The following DST variants were observed in gnomAD, a reference collection of about 807,000 sequenced individuals.
DST encodes bullous pemphigoid antigen.
In DST, 253 loss-of-function variants were observed where a neutral mutation model predicts 875.2. That is an observed-to-expected ratio of 0.29 (90% CI 0.26 to 0.32). The LOEUF (loss-of-function observed/expected upper bound fraction) is 0.32, where lower values mean the gene tolerates loss of function less well. Among genes scored for constraint, DST ranks in the 10% least tolerant of loss-of-function variants. DST has a pLI of 1.00. For synonymous variants in DST, 3,124 were observed against 3,197.1 expected, an observed-to-expected ratio of 0.98 and a Z score of 0.77; for missense variants, 8,287 against 9,111.6, an observed-to-expected ratio of 0.91 and a Z score of 3.68.
intron 58 of DST, among the ~76,000 whole-genome samples, chr6:56,558,313 A>G (rs2097464082): frequency 6.6e-6 from 1 of 152,148 alleles, no homozygotes; most frequent in African/African-American, 2.4e-5. Context: ...ATTTAACACA[A>G]TCCATCCAGG....
intron 85 of DST, among the ~76,000 whole-genome samples, chr6:56,491,319 T>C (rs2095732838): frequency 2.0e-5 from 3 of 152,212 alleles, no homozygotes; most frequent in African/African-American, 7.2e-5. Flanking sequence ...CTCAAAACAA[T>C]GGGGTACAAC....
At chr6:56,512,954 G>A (rs185903353) in intron 72 of DST, among the ~76,000 whole-genome samples, 2 of 152,232 alleles carry the variant, frequency 1.3e-5, no homozygotes, top group East Asian at 1.9e-4. Context: ...GGCATAATTA[G>A]GTATCTTCAT....
At chr6:56,510,607 C>T (rs2096455414) in intron 73 of DST, among the ~76,000 whole-genome samples, 1 of 152,078 alleles carries the variant, frequency 6.6e-6, no homozygotes. Context: ...TATGAATGAA[C>T]TTTGTTCTAT....
intron 3 of DST, among the ~76,000 whole-genome samples, chr6:56,883,899 AT>A (rs1783378951): frequency 6.6e-6 from 1 of 152,168 alleles, no homozygotes; most frequent in Non-Finnish European, 1.5e-5. Flanking sequence ...AATCTAAAAT[AT>A]TTTTATAAGT....
chr6:56,780,127 G>A (rs966657370), intron 4 of DST, among the ~76,000 whole-genome samples: 2 of 151,668 alleles, frequency 1.3e-5, no homozygotes, highest in Non-Finnish European at 2.9e-5. Flanking sequence ...GTCTATCATT[G>A]TTGGACATTT....
intron 10 of DST, among the ~76,000 whole-genome samples, chr6:56,661,645 G>GGA (rs2099042886): frequency 6.6e-6 from 1 of 151,146 alleles, no homozygotes; most frequent in Non-Finnish European, 1.5e-5. Context: ...GGAGTGCAAT[G>GGA]GTGCCATCTC....
chr6:56,903,562 C>T (rs1226640580), intron 2 of DST, among the ~76,000 whole-genome samples: 1 of 152,110 alleles, frequency 6.6e-6, no homozygotes. Flanking sequence ...TGGGTTCAAG[C>T]GATTCTCCTG....
chr6:56,618,141 C>T lies in DST; in HGVS notation c.4930-3657G>A, dbSNP rs768950109. 3.3e-5 allele frequency: 53 copies of T among 1,614,006 alleles called. No individual in the cohort carries two copies. The highest frequency in any genetic ancestry group is 1.4e-4 in the South Asian group (13 of 91,076). On this transcript the variant is annotated intron_variant, in intron 36 of 103. Transcript: ENST00000680361. Reference sequence around the variant, plus strand: ...GTCTCATCAAAAGTTATCTGTAACTCGGTGCTTGTCTGAGAAAAGTACTCA... The same window carrying T: ...GTCTCATCAAAAGTTATCTGTAACTTGGTGCTTGTCTGAGAAAAGTACTCA...
At chr6:56,872,268 C>A (rs1267347583) in intron 3 of DST, among the ~76,000 whole-genome samples, 1 of 152,026 alleles carries the variant, frequency 6.6e-6, no homozygotes, top group Non-Finnish European at 1.5e-5. Flanking sequence ...ATACTATTAG[C>A]AATAGCATAT....
intron 78 of DST, among the ~76,000 whole-genome samples, chr6:56,503,238 T>C (rs939293745): frequency 5.3e-5 from 8 of 152,060 alleles, no homozygotes; most frequent in African/African-American, 1.7e-4. Context: ...AAGGTCACTA[T>C]AGTCAAAAAT....
At chr6:56,740,956 A>G (rs2967962) in intron 4 of DST, among the ~76,000 whole-genome samples, 3,012 of 152,266 alleles carry the variant, frequency 0.02, 108 homozygotes, top group African/African-American at 0.069. Flanking sequence ...GAGTTTCCAT[A>G]TAAGTCACAA....
At chr6:56,872,493 G>C (rs1379520295) in intron 3 of DST, among the ~76,000 whole-genome samples, 1 of 152,038 alleles carries the variant, frequency 6.6e-6, no homozygotes, top group Non-Finnish European at 1.5e-5. Flanking sequence ...CTGCACTCTA[G>C]CCTGGGCAAC....
chr6:56,567,786 T>C (rs190144817), intron 55 of DST, among the ~76,000 whole-genome samples: 2 of 152,250 alleles, frequency 1.3e-5, no homozygotes, highest in Admixed American at 6.5e-5. Context: ...AAAAAAGATA[T>C]CAGAGCTGCC....
intron 15 of DST, 44 bp from the exon 16 acceptor site, chr6:56,642,547 T>C (rs1018819755): frequency 1.2e-6 from 2 of 1,608,032 alleles, no homozygotes; most frequent in Non-Finnish European, 1.7e-6. Context: ...CCCTTTGAAG[T>C]CAAAGAGCTC....
Position 56,619,771 on chromosome 6 carries a change from C to T in DST, c.4929+4759G>A, listed in dbSNP as rs750495787. 2.5e-6 allele frequency: 4 copies of T among 1,614,190 alleles called. No homozygotes were observed. The highest frequency in any genetic ancestry group is 3.4e-6 in the Non-Finnish European group (4 of 1,180,036). On this transcript the variant is annotated intron_variant, in intron 36 of 103. Transcript: ENST00000680361. Reference sequence around the variant, plus strand: ...CCTGATCCTTCCTTTCCAGCTCCAACTTAAGGCATCTGAGTGTATTATTTG... The same window carrying T: ...CCTGATCCTTCCTTTCCAGCTCCAATTTAAGGCATCTGAGTGTATTATTTG...
intron 4 of DST, among the ~76,000 whole-genome samples, chr6:56,744,190 A>C (rs898575490): frequency 2.6e-5 from 4 of 151,886 alleles, no homozygotes; most frequent in African/African-American, 9.7e-5. Context: ...CCGATTGTTA[A>C]TGGTGGGAAT....
intron 2 of DST, among the ~76,000 whole-genome samples, chr6:56,936,084 G>A (rs1231955388): frequency 6.6e-6 from 1 of 152,112 alleles, no homozygotes. Flanking sequence ...GTTATATGTA[G>A]CAATACACAT....
chr6:56,607,026 A>C lies in DST; in HGVS notation c.7602T>G (p.Asp2534Glu). ...GCTGAAAACCTGGATGTGTTTTTTC[A>C]TCCTCACCAGAAGTATTTGAAATGT... ...DKYISNTSGE[D>E]EKTHPGFQQM... is the part of the protein sequence containing the mutation. The change falls in exon 40 of 104, where the codon GAT becomes GAG. Residue 2534 changes from aspartate (D) to glutamate (E), a missense_variant. Around this residue, in one of 10 missense-constraint regions of DST, gnomAD observed 3,138 missense variants for 3,116.6 expected, o/e 1.01. Transcript: ENST00000680361. The C allele has an allele frequency of 6.2e-7, 1 of 1,613,398 alleles. No homozygotes were observed. Among genetic ancestry groups the C allele is most frequent in the Non-Finnish European group, 8.5e-7 (1 of 1,179,586 alleles).
intron 36 of DST, chr6:56,618,102 TTGTAA>T (rs1325386704): frequency 2.5e-6 from 4 of 1,614,194 alleles, no homozygotes; most frequent in South Asian, 2.2e-5. Context: ...TCAGACAGTC[TTGTAA>T]TGGGGTTTGT....
Sources: allele counts gnomAD v4.1 joint callset (sites outside exome capture counted in the v4.1 genomes callset), GRCh38; gene constraint gnomAD v4.1.1; regional missense constraint gnomAD v4.1.1; transcripts MANE v1.5; gene names NCBI Gene and HGNC (gene_info 2026-07-23, HGNC 2026-07-21).